AGAP1: variants seen among roughly 807,000 people sequenced by gnomAD.
AGAP1 encodes arf-GAP with GTPase, ANK repeat and PH domain-containing protein 1.
Under a neutral mutation model 105.3 loss-of-function variants are expected in AGAP1, and 29 were observed. The observed-to-expected ratio is 0.28, with a 90% CI of 0.21 to 0.38. The LOEUF (loss-of-function observed/expected upper bound fraction) is 0.38. Ranked by LOEUF, AGAP1 falls within the 10% of genes least tolerant of loss-of-function variation. The pLI, the probability that AGAP1 is intolerant of heterozygous loss-of-function variation, is 1.00. For synonymous variants in AGAP1, 509 were observed against 485.9 expected, an observed-to-expected ratio of 1.05 and a Z score of -0.63; for missense variants, 998 against 1,165.1, an observed-to-expected ratio of 0.86 and a Z score of 2.09.
intron 1 of AGAP1, among the ~76,000 whole-genome samples, chr2:235,545,860 T>C (rs1943605894): frequency 1.3e-5 from 2 of 152,196 alleles, no homozygotes; most frequent in African/African-American, 4.8e-5. Flanking sequence ...CGATATCTGG[T>C]GAAGCACCAG....
At chr2:236,091,163 G>T (rs1303359284) in intron 16 of AGAP1, among the ~76,000 whole-genome samples, 2 of 152,194 alleles carry the variant, frequency 1.3e-5, no homozygotes, top group African/African-American at 4.8e-5. Flanking sequence ...TTTATGTCCA[G>T]TGTACTTCCA....
intron 13 of AGAP1, among the ~76,000 whole-genome samples, chr2:235,975,268 T>G (rs1559714890): frequency 6.6e-6 from 1 of 152,222 alleles, no homozygotes; most frequent in Non-Finnish European, 1.5e-5. Context: ...TTTTTTTTAT[T>G]ATTATTAATT....
At chr2:235,520,366 T>C (rs1225638353) in intron 1 of AGAP1, among the ~76,000 whole-genome samples, 1 of 152,202 alleles carries the variant, frequency 6.6e-6, no homozygotes, top group Non-Finnish European at 1.5e-5. Context: ...CTCCAATGAG[T>C]AGGTTCCATG....
In AGAP1 at chr2:236,045,521, A is replaced by G. The variant is rs2057690981; in HGVS notation, c.1892-3538A>G. On this transcript the variant is annotated intron_variant, in intron 15 of 17. Coordinates refer to ENST00000304032, the MANE Select transcript of AGAP1 (RefSeq NM_001037131.3). The surrounding 1 kb of genome is among the most constrained non-coding windows in gnomAD (Gnocchi z 6.9). ...GAGGCCCGGAGAGCAAGAGGCTTGC[A>G]GAGGACAAAGGTGGAAAGGCAGTGC... 6.6e-6 allele frequency among the ~76,000 whole-genome samples: 1 copy of G among 152,230 alleles called. No homozygotes were observed. The highest frequency in any genetic ancestry group is 2.1e-4 in the South Asian group (1 of 4,838).
rs2054624733 is a variant in AGAP1, at chr2:235,971,126, T to G, written c.1645+2503T>G. Among the ~76,000 whole-genome samples the G allele has an allele frequency of 6.6e-6, 1 of 152,222 alleles. No homozygotes were observed. On this transcript the variant is annotated intron_variant, in intron 13 of 17. Coordinates refer to ENST00000304032, the MANE Select transcript of AGAP1 (RefSeq NM_001037131.3). This position sits in a 1 kb window ranked among gnomAD's most constrained non-coding sequence, Gnocchi z 4.8. The stretch of plus-strand genomic sequence containing the variant: ...TAATTAGGAGAGTCTGGTCTCTACG[T>G]CAGCGGCTATGACATCTTTCCAATA...
At chr2:235,685,305 A>AGT (rs1442523084) in intron 1 of AGAP1, among the ~76,000 whole-genome samples, 3 of 151,864 alleles carry the variant, frequency 2.0e-5, no homozygotes, top group African/African-American at 4.8e-5. Context: ...GACTCTTGGC[A>AGT]GTGCAGGCCT....
At chr2:235,683,096 C>A (rs112490606) in intron 1 of AGAP1, among the ~76,000 whole-genome samples, 1 of 152,046 alleles carries the variant, frequency 6.6e-6, no homozygotes, top group Non-Finnish European at 1.5e-5. Flanking sequence ...CACTTGAGGC[C>A]AGGAGTTCGA....
At chr2:235,986,135 CTT>C (rs1329001438) in intron 13 of AGAP1, among the ~76,000 whole-genome samples, 3 of 152,002 alleles carry the variant, frequency 2.0e-5, no homozygotes, top group African/African-American at 7.2e-5. Context: ...TGTGTCCTCT[CTT>C]ATTTCCTTGA....
chr2:235,943,509 C>T (rs1294084609), intron 12 of AGAP1, among the ~76,000 whole-genome samples: 1 of 152,064 alleles, frequency 6.6e-6, no homozygotes. Context: ...GCCACTATGC[C>T]TGGCTAATTT....
Position 235,953,112 on chromosome 2 carries a change from G to A in AGAP1, c.1484-15350G>A, listed in dbSNP as rs958498899. 2.0e-5 allele frequency among the ~76,000 whole-genome samples: 3 copies of A among 152,174 alleles called. No homozygotes were observed. The highest frequency in any genetic ancestry group is 7.2e-5 in the African/African-American group (3 of 41,442). On this transcript the variant is annotated intron_variant, in intron 12 of 17. Coordinates refer to ENST00000304032, the MANE Select transcript of AGAP1 (RefSeq NM_001037131.3). The surrounding 1 kb of genome is among the most constrained non-coding windows in gnomAD (Gnocchi z 5.2). Reference sequence around the variant, plus strand: ...CACCTCCAATAAAGGCTTGGGAGTCGCAAGGATCCCTTTTCATAATGAAAC... The same window carrying A: ...CACCTCCAATAAAGGCTTGGGAGTCACAAGGATCCCTTTTCATAATGAAAC...
Position 235,961,696 on chromosome 2 carries a change from T to A in AGAP1, c.1484-6766T>A, listed in dbSNP as rs2054193019. 6.6e-6 allele frequency among the ~76,000 whole-genome samples: 1 copy of A among 151,982 alleles called. No homozygotes were observed. The highest frequency in any genetic ancestry group is 1.5e-5 in the Non-Finnish European group (1 of 68,006). On this transcript the variant is annotated intron_variant, in intron 12 of 17. Transcript: ENST00000304032. The surrounding 1 kb of genome is among the most constrained non-coding windows in gnomAD (Gnocchi z 5.9). ...AGGCCAAGGCGGATGGATCATGAGG[T>A]CAAGAGATCGAGACCATCCTGGCCA...
intron 9 of AGAP1, among the ~76,000 whole-genome samples, chr2:235,861,195 T>C (rs1030800433): frequency 8.5e-5 from 13 of 152,258 alleles, no homozygotes; most frequent in African/African-American, 2.7e-4. Context: ...AATCAACTTC[T>C]ATAGGGGACC....
At chr2:236,091,448 G>A (rs1204897425) in intron 16 of AGAP1, among the ~76,000 whole-genome samples, 1 of 152,188 alleles carries the variant, frequency 6.6e-6, no homozygotes, top group Non-Finnish European at 1.5e-5. Flanking sequence ...TGACCCAGCA[G>A]GTGCACTATT....
chr2:235,610,911 C>T lies in AGAP1; in HGVS notation c.164-98268C>T, dbSNP rs10203779. 0.3 allele frequency among the ~76,000 whole-genome samples: 45,632 copies of T among 151,342 alleles called. 8,697 individuals are homozygous for T. The highest frequency in any genetic ancestry group is 0.53 in the African/African-American group (21,842 of 41,042). ...CAGTTTCGTTTCACCTGTCCTCTGCCTGTAATCCTTTTCAGCCCCTCTGAA... is the reference window on the plus strand; with the variant it reads ...CAGTTTCGTTTCACCTGTCCTCTGCTTGTAATCCTTTTCAGCCCCTCTGAA... On this transcript the variant is annotated intron_variant, in intron 1 of 17. Transcript: ENST00000304032. The surrounding 1 kb of genome is among the most constrained non-coding windows in gnomAD (Gnocchi z 4.9).
Position 235,830,757 on chromosome 2 carries a change from T to C in AGAP1, c.1050+23426T>C, listed in dbSNP as rs1045848631. On this transcript the variant is annotated intron_variant, in intron 9 of 17. Transcript: ENST00000304032. The surrounding 1 kb of genome is among the most constrained non-coding windows in gnomAD (Gnocchi z 5.5). ...GCAGGTGGAAAATGCATTTATAAGA[T>C]ATTTCTTCCTCGGAATTTTTAAGTG... 1.3e-5 allele frequency among the ~76,000 whole-genome samples: 2 copies of C among 152,186 alleles called. No homozygotes were observed. The highest frequency in any genetic ancestry group is 4.8e-5 in the African/African-American group (2 of 41,444).
At chr2:236,065,641 C>T (rs918599214) in intron 16 of AGAP1, among the ~76,000 whole-genome samples, 4 of 152,210 alleles carry the variant, frequency 2.6e-5, no homozygotes, top group Admixed American at 2.6e-4. Flanking sequence ...ACAACAAAAT[C>T]CTGCTTCCTA....
At chr2:235,990,368 G>C (rs1363338703) in intron 13 of AGAP1, among the ~76,000 whole-genome samples, 1 of 152,176 alleles carries the variant, frequency 6.6e-6, no homozygotes, top group Non-Finnish European at 1.5e-5. Context: ...ATTAGAATGG[G>C]TGCAGCTAGG....
At chr2:235,844,450 T>G (rs1240366440) in intron 9 of AGAP1, among the ~76,000 whole-genome samples, 3 of 152,170 alleles carry the variant, frequency 2.0e-5, no homozygotes. Context: ...TATAAAATTT[T>G]ATCATTTTTA....
In AGAP1 at chr2:235,789,792, C is replaced by CGAGCA; in HGVS notation, c.674-7965_674-7961dup. 6.6e-6 allele frequency among the ~76,000 whole-genome samples: 1 copy of CGAGCA among 152,278 alleles called. No homozygotes were observed. ...GCATGGCATGTCCTAATGACTTACTCGAGCAGTTGAATCTTGGCCACAGCT... is the reference window on the plus strand; with the variant it reads ...GCATGGCATGTCCTAATGACTTACTCGAGCAGAGCAGTTGAATCTTGGCCACAGCT... On this transcript the variant is annotated intron_variant, in intron 6 of 17. Coordinates refer to ENST00000304032, the MANE Select transcript of AGAP1 (RefSeq NM_001037131.3). The surrounding 1 kb of genome is among the most constrained non-coding windows in gnomAD (Gnocchi z 4.2).
Sources: gnomAD v4.1 joint callset for allele counts (sites outside exome capture counted in the v4.1 genomes callset) on GRCh38, gnomAD v4.1.1 for gene constraint, Gnocchi (gnomAD v3.1) non-coding constraint, MANE v1.5 for transcripts, NCBI Gene and HGNC (gene_info 2026-07-23, HGNC 2026-07-21) for gene names.